Variants in NCAPG observed in about 807,000 individuals in gnomAD.
NCAPG encodes the protein condensin complex subunit 3.
A neutral mutation model predicts 113.1 loss-of-function variants in NCAPG; 69 were observed. The observed-to-expected ratio is 0.61, with a 90% CI of 0.50 to 0.75. The LOEUF (loss-of-function observed/expected upper bound fraction) is 0.75, where lower values mean the gene tolerates loss of function less well. Ranked by LOEUF, NCAPG falls within the 30% of genes least tolerant of loss-of-function variation. The pLI, the probability that NCAPG is intolerant of heterozygous loss-of-function variation, is 0.00. For synonymous variants in NCAPG, 370 were observed against 415.8 expected, an observed-to-expected ratio of 0.89 and a Z score of 1.34; for missense variants, 1,058 against 1,177.0, an observed-to-expected ratio of 0.90 and a Z score of 1.48.
Position 17,811,239 on chromosome 4 carries a change from TCCCTCAGGGG to T in NCAPG, c.111+57_111+66del. 1 of 1,095,952 alleles carries T rather than the reference TCCCTCAGGGG, an allele frequency of 9.1e-7. No homozygotes were observed. Among genetic ancestry groups the T allele is most frequent in the Non-Finnish European group, 1.2e-6 (1 of 820,228 alleles). 67.9% of individuals were successfully genotyped at this position (1,095,952 alleles called of 1,614,324 possible). A position where few individuals can be genotyped will look rare whatever the true frequency, so the allele number is the denominator to read the frequency against. On this transcript the variant is annotated intron_variant, in intron 1 of 20. Transcript: ENST00000251496. This position sits in a 1 kb window ranked among gnomAD's most constrained non-coding sequence, Gnocchi z 5.3. ...GCCTCTCGCCCGCCCCGGCCCACCC[TCCCTCAGGGG>T]CCCTCCGTGGCCCTCGGGCTCGGCG...
In NCAPG at chr4:17,842,356, G is replaced by C; in HGVS notation, c.2901G>C (p.Gln967His). ...TVSARTNRRC[Q>H]TAEADSESDH... The stretch of plus-strand genomic sequence containing the variant: ...CAGCTAGGACGAACAGGAGGTGTCA[G>C]ACTGCTGAAGCCGACTCTGAAAGGT... The change falls in exon 20 of 21, where the codon CAG (glutamine) becomes CAC (histidine). Residue 967 changes from glutamine to histidine, a missense_variant. Gln to His is a conservative substitution (Grantham distance 24). Coordinates refer to ENST00000251496, the MANE Select transcript of NCAPG (RefSeq NM_022346.5). The C allele has an allele frequency of 6.2e-7, 1 of 1,612,210 alleles. No homozygotes were observed. Among genetic ancestry groups the C allele is most frequent in the East Asian group, 2.2e-5 (1 of 44,808 alleles).
rs1467065351 is a variant in NCAPG at position 17,812,301 on chromosome 4, T to C, written c.192T>C (p.Ala64=). The change falls in exon 2 of 21, where the codon GCT becomes GCC. Residue 64 remains alanine, a synonymous_variant. Transcript: ENST00000251496. ...TGGTGGTCTATAAACGTGAACCAGC[T>C]GTGGAGAGGGTAATAGAATTTGCAG... is the stretch of plus-strand genomic sequence containing the variant. ...YVMVVYKREP[A]VERVIEFAAK... The C allele has an allele frequency of 6.2e-7, 1 of 1,613,820 alleles. No homozygotes were observed. Among genetic ancestry groups the C allele is most frequent in the Non-Finnish European group, 8.5e-7 (1 of 1,179,824 alleles).
intron 15 of NCAPG, 23 bp downstream of exon 15, chr4:17,837,363 CA>C: frequency 6.3e-7 from 1 of 1,576,158 alleles, no homozygotes; most frequent in Non-Finnish European, 8.6e-7. Context: ...ACTGATAAAT[CA>C]AAAATCTGAC....
chr4:17,834,560 AT>A, intron 14 of NCAPG, 37 bp downstream of exon 14: 1 of 1,277,366 alleles, frequency 7.8e-7, no homozygotes, highest in Non-Finnish European at 1.1e-6. Context: ...ATGAAATGTC[AT>A]TTTCAGCATG....
At chr4:17,831,697 T>C (rs917689251) in intron 13 of NCAPG, among the ~76,000 whole-genome samples, 1 of 152,090 alleles carries the variant, frequency 6.6e-6, no homozygotes, top group Admixed American at 6.6e-5. Flanking sequence ...TGTAGGACTT[T>C]GGGTGTGTTC....
At chr4:17,829,631 T>C (rs1721787166) in intron 12 of NCAPG, among the ~76,000 whole-genome samples, 1 of 152,186 alleles carries the variant, frequency 6.6e-6, no homozygotes, top group South Asian at 2.1e-4. Flanking sequence ...TGGTTAAAGA[T>C]TGAAAGAGAT....
At chr4:17,812,520 C>T in intron 2 of NCAPG, 96 bp downstream of exon 2, 1 of 873,236 alleles carries the variant, frequency 1.1e-6, no homozygotes, top group Non-Finnish European at 1.8e-6. Context: ...AATGAAATAT[C>T]TAGTGATTGA....
In NCAPG at chr4:17,828,283, T is replaced by C; in HGVS notation, c.1659T>C (p.Asp553=). ...EIKEVHIEKN[D]AETLQKCLIL... ...ATATTTTGTCTTCATTTTAGAATGA[T>C]GCTGAAACATTGCAGAAATGTCTTA... The change falls in exon 12 of 21, where the codon GAT becomes GAC. Residue 553 remains aspartate (D), a synonymous_variant. Transcript: ENST00000251496. 1 of 1,603,822 alleles carries C rather than the reference T, an allele frequency of 6.2e-7. No individual in the cohort carries two copies. The highest frequency in any genetic ancestry group is 8.5e-7 in the Non-Finnish European group (1 of 1,174,804).
chr4:17,831,525 A>C (rs184436303), intron 13 of NCAPG, among the ~76,000 whole-genome samples: 7 of 152,260 alleles, frequency 4.6e-5, no homozygotes, highest in African/African-American at 1.7e-4. Context: ...AAAGCAGAGA[A>C]GGGGATTAAG....
chr4:17,837,171 A>G lies in NCAPG; in HGVS notation c.2122A>G (p.Arg708Gly). The G allele has an allele frequency of 6.2e-7, 1 of 1,613,398 alleles. No homozygotes were observed. Among genetic ancestry groups the G allele is most frequent in the Non-Finnish European group, 8.5e-7 (1 of 1,179,700 alleles). ...TCATCTTTGTTAGGTATCTGAACTT[A>G]GGACTGGAGCTGCAGAAGGACTAGC... ...DFLDSEVSELRTGAAEGLAKL... is the reference protein window; with the variant it reads ...DFLDSEVSELGTGAAEGLAKL... The change falls in exon 15 of 21, where the codon AGG becomes GGG. Residue 708 changes from arginine (R) to glycine (G), a missense_variant. Physicochemically the swap from Arg to Gly is moderately radical, Grantham distance 125. Transcript: ENST00000251496.
intron 16 of NCAPG, 142 bp from the exon 17 acceptor site, chr4:17,839,534 G>A: frequency 3.8e-6 from 2 of 529,168 alleles, no homozygotes; most frequent in East Asian, 3.5e-5. Context: ...TGGGGGTAGG[G>A]AGGATGTTAA....
At chr4:17,817,594 TC>T in intron 6 of NCAPG, 141 bp downstream of exon 6, 1 of 683,534 alleles carries the variant, frequency 1.5e-6, no homozygotes, top group Non-Finnish European at 2.4e-6. Flanking sequence ...CTGATGAATA[TC>T]CTTTTATCCT....
rs1304980969 is a variant in NCAPG, at chr4:17,811,038, C to A, written c.-40C>A. 1 of 1,332,800 alleles carries A rather than the reference C, an allele frequency of 7.5e-7. No individual in the cohort carries two copies. 82.6% of individuals were successfully genotyped at this position (1,332,800 alleles called of 1,614,324 possible). ...GGTTGGCGGGCTGGCAGGCTGTAGC[C>A]GAGCGCGGGCAGGACTCGTCCCGGC... On this transcript the variant is annotated 5_prime_UTR_variant, in exon 1 of 21. Coordinates refer to ENST00000251496, the MANE Select transcript of NCAPG (RefSeq NM_022346.5). The surrounding 1 kb of genome is among the most constrained non-coding windows in gnomAD (Gnocchi z 5.3).
At chr4:17,827,006 G>A (rs1721680668) in intron 11 of NCAPG, among the ~76,000 whole-genome samples, 1 of 152,162 alleles carries the variant, frequency 6.6e-6, no homozygotes, top group African/African-American at 2.4e-5. Context: ...ATAGTAAATG[G>A]TGGAGGCAGG....
Position 17,823,738 on chromosome 4 carries a change from A to G in NCAPG, c.1351A>G (p.Ile451Val). Residue 451 changes from isoleucine to valine, a missense_variant, in exon 9 of 21, where the codon ATC becomes GTC. Physicochemically the swap from Ile to Val is conservative, Grantham distance 29. Coordinates refer to ENST00000251496, the MANE Select transcript of NCAPG (RefSeq NM_022346.5). ...VSFLVERLLH[I>V]IIDDNKRTQI... ...TTTTCTTGTTGAAAGACTACTCCAC[A>G]TCATTATAGATGATAATAAGAGAAC... 4 of 1,596,752 alleles carry G rather than the reference A, an allele frequency of 2.5e-6. No homozygotes were observed. Among genetic ancestry groups the G allele is most frequent in the Non-Finnish European group, 3.4e-6 (4 of 1,165,510 alleles).
At chr4:17,823,351 G>T (rs1179391157) in intron 8 of NCAPG, among the ~76,000 whole-genome samples, 1 of 151,988 alleles carries the variant, frequency 6.6e-6, no homozygotes, top group South Asian at 2.1e-4. Context: ...AAAAGTTTCT[G>T]TTTAGATTTA....
intron 9 of NCAPG, among the ~76,000 whole-genome samples, chr4:17,824,455 A>G (rs1721578213): frequency 6.6e-6 from 1 of 152,120 alleles, no homozygotes; most frequent in African/African-American, 2.4e-5. Flanking sequence ...GCATCTGCTT[A>G]AATACTTTCA....
At chr4:17,839,008 C>A (rs543415535) in intron 16 of NCAPG, among the ~76,000 whole-genome samples, 48 of 151,944 alleles carry the variant, frequency 3.2e-4, no homozygotes, top group Non-Finnish European at 6.8e-4. Context: ...ATTATGGGTA[C>A]AAGAATCTAA....
chr4:17,825,710 C>T, intron 11 of NCAPG, 149 bp downstream of exon 11: 2 of 646,606 alleles, frequency 3.1e-6, no homozygotes, highest in Non-Finnish European at 4.8e-6. Flanking sequence ...AAGTTTTTCC[C>T]TGTTTCTATT....
Sources: gnomAD v4.1 joint callset for allele counts (sites outside exome capture counted in the v4.1 genomes callset) on GRCh38, gnomAD v4.1.1 for gene constraint, Gnocchi (gnomAD v3.1) non-coding constraint, MANE v1.5 for transcripts, NCBI Gene and HGNC (gene_info 2026-07-23, HGNC 2026-07-21) for gene names.